SF3B6: variants seen among roughly 807,000 people sequenced by gnomAD.
The protein encoded by SF3B6 is SF3b 14 kDa subunit.
SF3B6 carries 3 observed loss-of-function variants against 15.9 expected under a neutral mutation model. The observed-to-expected ratio is 0.19, with a 90% CI of 0.09 to 0.49. SF3B6 has a LOEUF of 0.49. Among genes scored for constraint, SF3B6 ranks in the 20% least tolerant of loss-of-function variants. The pLI is 0.97. For synonymous variants in SF3B6, 49 were observed against 51.1 expected, an observed-to-expected ratio of 0.96 and a Z score of 0.18; for missense variants, 71 against 154.3, an observed-to-expected ratio of 0.46 and a Z score of 2.86.
At chr2:24,070,817 AT>A (rs1664641201) in intron 2 of SF3B6, among the ~76,000 whole-genome samples, 1 of 152,156 alleles carries the variant, frequency 6.6e-6, no homozygotes, top group East Asian at 1.9e-4. Context: ...TCAATCTATA[AT>A]TTAGACCTAA....
rs951837598 is a variant in SF3B6, at chr2:24,068,054, C to G, written c.289-203G>C. Among the ~76,000 whole-genome samples the G allele has an allele frequency of 6.6e-5, 10 of 152,276 alleles. No individual in the cohort carries two copies. In the East Asian group the frequency reaches 1.7e-3, roughly 26 times the overall value. ...CTTGGCTCACTGCAGGCTCCACCCC[C>G]TGGGGTTCACGCCATTCTCCTGCCT... On this transcript the variant is annotated intron_variant, in intron 3 of 3. Coordinates refer to ENST00000233468, the MANE Select transcript of SF3B6 (RefSeq NM_016047.4).
intron 3 of SF3B6, 119 bp from the exon 4 acceptor site, chr2:24,067,970 C>A: frequency 1.2e-6 from 1 of 831,316 alleles, no homozygotes. Flanking sequence ...TACAGTTCTA[C>A]ACTAATTCTC....
At chr2:24,073,089 T>C (rs750872515) in intron 2 of SF3B6, among the ~76,000 whole-genome samples, 1 of 152,196 alleles carries the variant, frequency 6.6e-6, no homozygotes, top group Non-Finnish European at 1.5e-5. Flanking sequence ...CCAATGATCA[T>C]GTATTTCCAG....
chr2:24,074,437 C>T (rs976783297), intron 1 of SF3B6, among the ~76,000 whole-genome samples: 2 of 152,032 alleles, frequency 1.3e-5, no homozygotes, highest in East Asian at 3.9e-4. Context: ...GTGGGAGGAT[C>T]ACTTGAGCCC....
intron 2 of SF3B6, among the ~76,000 whole-genome samples, chr2:24,071,407 C>T (rs1185476141): frequency 6.6e-6 from 1 of 151,790 alleles, no homozygotes; most frequent in Non-Finnish European, 1.5e-5. Flanking sequence ...GAGTTCAAGA[C>T]CAGCCTGGCC....
In SF3B6 at chr2:24,067,859, TGTG is replaced by T. The variant is rs1342311725; in HGVS notation, c.289-11_289-9del. The T allele has an allele frequency of 6.2e-7, 1 of 1,612,170 alleles. No homozygotes were observed. The highest frequency in any genetic ancestry group is 1.7e-5 in the Admixed American group (1 of 59,696). ...GTCCATCTTCTGAAATGCCTGGAAA[TGTG>T]GTAAGCACCAAAATTAAATTACCAA... On this transcript the variant is annotated splice_polypyrimidine_tract_variant and intron_variant, in intron 3 of 3. Transcript: ENST00000233468.
chr2:24,068,139 A>G (rs1210412843), intron 3 of SF3B6, among the ~76,000 whole-genome samples, 182 bp downstream of exon 3: 1 of 151,882 alleles, frequency 6.6e-6, no homozygotes. Context: ...AATTTTTTGT[A>G]TTTTTAGTAC....
intron 2 of SF3B6, among the ~76,000 whole-genome samples, chr2:24,069,483 A>T (rs6728930): frequency 0.12 from 17,758 of 152,144 alleles, 1,239 homozygotes; most frequent in South Asian, 0.18. Flanking sequence ...TAGAGGTCCC[A>T]CTCAGTTCAG....
chr2:24,072,432 A>G (rs1183469902), intron 2 of SF3B6, among the ~76,000 whole-genome samples: 2 of 152,234 alleles, frequency 1.3e-5, no homozygotes, highest in Non-Finnish European at 2.9e-5. Flanking sequence ...AGATGAATAT[A>G]GAGACAACAG....
intron 2 of SF3B6, among the ~76,000 whole-genome samples, chr2:24,071,160 G>C (rs935576281): frequency 1.1e-4 from 16 of 151,466 alleles, no homozygotes; most frequent in African/African-American, 3.9e-4. Context: ...GCCTGGCTAA[G>C]TTTTGTATTT....
Position 24,067,822 on chromosome 2 carries a change from C to T in SF3B6, c.318G>A (p.Lys106=). The T allele has an allele frequency of 6.2e-7, 1 of 1,614,142 alleles. No individual in the cohort carries two copies. Among genetic ancestry groups the T allele is most frequent in the Admixed American group, 1.7e-5 (1 of 60,022 alleles). ...CCTTGAGAAGCTTCAACTGTTCCTC[C>T]TTCTTCTTTGTGTCCATCTTCTGAA... ...RAFQKMDTKK[K]EEQLKLLKEK... Residue 106 remains lysine, a synonymous_variant, in exon 4 of 4, where the codon AAG becomes AAA. Coordinates refer to ENST00000233468, the MANE Select transcript of SF3B6 (RefSeq NM_016047.4).
chr2:24,068,525 A>G, intron 2 of SF3B6, 66 bp from the exon 3 acceptor site: 1 of 1,425,086 alleles, frequency 7.0e-7, no homozygotes, highest in Non-Finnish European at 9.5e-7. Flanking sequence ...TGACTTACAG[A>G]ACTGTCTTTT....
At chr2:24,071,081 C>T (rs1221781668) in intron 2 of SF3B6, among the ~76,000 whole-genome samples, 1 of 152,128 alleles carries the variant, frequency 6.6e-6, no homozygotes, top group African/African-American at 2.4e-5. Context: ...CAACCTCCAC[C>T]TCCCGGGTTC....
rs1200810562 is a variant in SF3B6 at position 24,074,988 on chromosome 2, G to A, written c.31-794C>T. Reference sequence around the variant, plus strand: ...TACTAAAAATACAAAAATTAGCCGGGCATGGTGGTGGGCACCTGTAATCCC... The same window carrying A: ...TACTAAAAATACAAAAATTAGCCGGACATGGTGGTGGGCACCTGTAATCCC... On this transcript the variant is annotated intron_variant, in intron 1 of 3. Transcript: ENST00000233468. Among the ~76,000 whole-genome samples the A allele has an allele frequency of 2.0e-5, 3 of 152,120 alleles. No homozygotes were observed. In the East Asian group the frequency reaches 5.8e-4, roughly 29 times the overall value.
chr2:24,073,275 C>A (rs905993944), intron 2 of SF3B6, among the ~76,000 whole-genome samples: 1 of 152,150 alleles, frequency 6.6e-6, no homozygotes, highest in Non-Finnish European at 1.5e-5. Context: ...AAAATAAAAA[C>A]TTTAGAAATC....
rs755588399 is a variant in SF3B6, at chr2:24,074,147, C to T, written c.78G>A (p.Leu26=). Residue 26 remains leucine, a synonymous_variant, in exon 2 of 4, where the codon TTG becomes TTA. Transcript: ENST00000233468. ...TTTCTTCAGCTGTGATTTTGTATGG[C>T]AAATTTCTTATATACAATATCCGAT... The part of the protein sequence containing the change: ...EVNRILYIRN[L]PYKITAEEMY... The T allele has an allele frequency of 6.2e-7, 1 of 1,609,006 alleles. No individual in the cohort carries two copies. The highest frequency in any genetic ancestry group is 8.5e-7 in the Non-Finnish European group (1 of 1,176,216).
intron 2 of SF3B6, among the ~76,000 whole-genome samples, chr2:24,073,207 C>T (rs1269963848): frequency 2.0e-5 from 3 of 152,098 alleles, no homozygotes; most frequent in Non-Finnish European, 2.9e-5. Flanking sequence ...GACGGAATTC[C>T]GACTAGAAAT....
chr2:24,074,327 G>T (rs897638098), intron 1 of SF3B6, 133 bp from the exon 2 acceptor site: 2 of 566,540 alleles, frequency 3.5e-6, no homozygotes, highest in South Asian at 4.3e-5. Flanking sequence ...AGAATAAGAG[G>T]TATAATTTGA....
At chr2:24,074,964 A>G (rs1664709009) in intron 1 of SF3B6, among the ~76,000 whole-genome samples, 1 of 152,054 alleles carries the variant, frequency 6.6e-6, no homozygotes, top group South Asian at 2.1e-4. Flanking sequence ...CCCTGTCTCT[A>G]CTAAAAATAC....
Sources: allele counts gnomAD v4.1 joint callset (sites outside exome capture counted in the v4.1 genomes callset), GRCh38; gene constraint gnomAD v4.1.1; transcripts MANE v1.5; gene names NCBI Gene and HGNC (gene_info 2026-07-23, HGNC 2026-07-21).